TOP6BL: variants seen among roughly 807,000 people sequenced by gnomAD.
TOP6BL encodes type 2 DNA topoisomerase 6 subunit B-like.
At chr11:66,778,014 A>G in the TOP6BL span, among the ~76,000 whole-genome samples, 3 of 151,722 alleles carry the variant, frequency 2.0e-5, no homozygotes, top group Admixed American at 6.6e-5. Context: ...AGTTTTAATT[A>G]TATTTCTCTG....
At chr11:66,775,699 T>C in the TOP6BL span, among the ~76,000 whole-genome samples, 1 of 152,212 alleles carries the variant, frequency 6.6e-6, no homozygotes, top group Non-Finnish European at 1.5e-5. Flanking sequence ...CTTAACTGGC[T>C]TCTGGAGTTC....
the TOP6BL span, chr11:66,788,356 C>A: frequency 9.9e-7 from 1 of 1,008,664 alleles, no homozygotes; most frequent in Non-Finnish European, 1.5e-6. Flanking sequence ...AGCCTAGGTC[C>A]ATCAAAGTTC....
At chr11:66,807,005 GAC>G in the TOP6BL span, among the ~76,000 whole-genome samples, 1 of 152,102 alleles carries the variant, frequency 6.6e-6, no homozygotes, top group South Asian at 2.1e-4. Flanking sequence ...GAAGGGATAA[GAC>G]AGACAAATTT....
the TOP6BL span, among the ~76,000 whole-genome samples, chr11:66,791,162 C>T: frequency 1.3e-5 from 2 of 152,082 alleles, no homozygotes; most frequent in African/African-American, 4.8e-5. Context: ...AATAGAGACT[C>T]CATGGAAAAG....
At chr11:66,785,619 A>G in the TOP6BL span, among the ~76,000 whole-genome samples, 31 of 152,302 alleles carry the variant, frequency 2.0e-4, no homozygotes, top group Admixed American at 4.6e-4. Context: ...GGGTGGTAAG[A>G]TGCAAAGCTC....
At chr11:66,798,525 A>G in the TOP6BL span, among the ~76,000 whole-genome samples, 4 of 147,298 alleles carry the variant, frequency 2.7e-5, no homozygotes, top group African/African-American at 1.0e-4. Flanking sequence ...GCTTGAACCC[A>G]GGAGGTTGAG....
chr11:66,751,754 T>TA, the TOP6BL span, among the ~76,000 whole-genome samples: 1 of 152,170 alleles, frequency 6.6e-6, no homozygotes, highest in African/African-American at 2.4e-5. Flanking sequence ...TTAATATAGT[T>TA]ATAATTTTCC....
At chr11:66,828,133 T>G in the TOP6BL span, 1 of 624,530 alleles carries the variant, frequency 1.6e-6, no homozygotes, top group South Asian at 2.0e-5. Flanking sequence ...TCATGAAAAC[T>G]AAGAAAACTC....
At chr11:66,767,845 C>A in the TOP6BL span, among the ~76,000 whole-genome samples, 1 of 152,180 alleles carries the variant, frequency 6.6e-6, no homozygotes, top group African/African-American at 2.4e-5. Flanking sequence ...GGCTGAAGTG[C>A]AGTGGCATGA....
chr11:66,756,213 T>C, the TOP6BL span: 1 of 844,472 alleles, frequency 1.2e-6, no homozygotes, highest in African/African-American at 1.8e-5. Flanking sequence ...CATTTAAATT[T>C]GGGAAATGTT....
At chr11:66,833,395 T>A in the TOP6BL span, among the ~76,000 whole-genome samples, 3 of 152,174 alleles carry the variant, frequency 2.0e-5, no homozygotes, top group African/African-American at 7.2e-5. Context: ...TGGAATTACA[T>A]GTGCAAAGAC....
At chr11:66,815,506 C>T in the TOP6BL span, among the ~76,000 whole-genome samples, 1 of 152,138 alleles carries the variant, frequency 6.6e-6, no homozygotes, top group Non-Finnish European at 1.5e-5. Context: ...GTTTTTTAGT[C>T]AGTCTAGCAA....
At chr11:66,771,699 C>CA in the TOP6BL span, 1 of 160,872 alleles carries the variant, frequency 6.2e-6, no homozygotes. Flanking sequence ...GAGCTAACCA[C>CA]AAAAACAGTG....
the TOP6BL span, among the ~76,000 whole-genome samples, chr11:66,829,498 C>T: frequency 6.6e-6 from 1 of 152,004 alleles, no homozygotes; most frequent in Non-Finnish European, 1.5e-5. Flanking sequence ...TTGCTTGAAC[C>T]CAGGAGACAG....
the TOP6BL span, among the ~76,000 whole-genome samples, chr11:66,822,937 G>A: frequency 6.6e-6 from 1 of 151,558 alleles, no homozygotes. Flanking sequence ...CCGGGATGTT[G>A]AGGCTGAGCC....
chr11:66,842,018 G>A, the TOP6BL span, among the ~76,000 whole-genome samples: 1 of 152,136 alleles, frequency 6.6e-6, no homozygotes, highest in Non-Finnish European at 1.5e-5. Context: ...GGGCAACACG[G>A]TGAGACCCCT....
the TOP6BL span, among the ~76,000 whole-genome samples, chr11:66,819,141 T>C: frequency 1.3e-5 from 2 of 152,222 alleles, no homozygotes; most frequent in African/African-American, 4.8e-5. Context: ...AGCCTCTTTT[T>C]TAGGAAACAG....
At chr11:66,777,067 ATATC>A in the TOP6BL span, among the ~76,000 whole-genome samples, 3 of 149,916 alleles carry the variant, frequency 2.0e-5, no homozygotes, top group Admixed American at 1.3e-4. Flanking sequence ...CTATATCTAT[ATATC>A]TATATCTATA....
chr11:66,779,443 A>C, the TOP6BL span, among the ~76,000 whole-genome samples: 1 of 152,228 alleles, frequency 6.6e-6, no homozygotes, highest in Non-Finnish European at 1.5e-5. Context: ...AGAGAAATGC[A>C]AATCAAAACC....
Sources: gnomAD v4.1 joint callset for allele counts (sites outside exome capture counted in the v4.1 genomes callset) on GRCh38, gnomAD v4.1.1 for gene constraint, MANE v1.5 for transcripts, NCBI Gene and HGNC (gene_info 2026-07-23, HGNC 2026-07-21) for gene names.